The following MYO1E variants were observed in gnomAD, a reference collection of about 807,000 sequenced individuals.
The protein encoded by MYO1E is unconventional myosin-Ie.
A neutral mutation model predicts 151.1 loss-of-function variants in MYO1E; 68 were observed. That is an observed-to-expected ratio of 0.45 (90% confidence interval 0.37 to 0.55). MYO1E has a LOEUF of 0.55. MYO1E is among the 20% of genes least tolerant of loss of function. The pLI, the probability that MYO1E is intolerant of heterozygous loss-of-function variation, is 0.00. For missense variants in MYO1E, 1,363 were observed against 1,389.3 expected (o/e 0.98, Z 0.30); for synonymous variants, 601 against 501.7 (o/e 1.20, Z -2.64).
chr15:59,153,989 C>T (rs549535107), intron 25 of MYO1E, among the ~76,000 whole-genome samples, 198 bp from the exon 26 acceptor site: 10 of 152,292 alleles, frequency 6.6e-5, no homozygotes, highest in South Asian at 4.1e-4. Context: ...TCCCCATCAC[C>T]GGGCTTTACT....
At chr15:59,289,719 G>A (rs1192379027) in intron 1 of MYO1E, among the ~76,000 whole-genome samples, 1 of 152,230 alleles carries the variant, frequency 6.6e-6, no homozygotes, top group Non-Finnish European at 1.5e-5. Context: ...ATCTCTGGCT[G>A]TAGCATTTCA....
At chr15:59,208,957 A>G (rs1444107315) in intron 13 of MYO1E, 109 bp from the exon 14 acceptor site, 1 of 1,315,264 alleles carries the variant, frequency 7.6e-7, no homozygotes, top group African/African-American at 1.5e-5. Flanking sequence ...TTAAGATACC[A>G]TCTTGAAAGT....
chr15:59,302,974 G>C (rs1421915550), intron 1 of MYO1E, among the ~76,000 whole-genome samples: 1 of 152,160 alleles, frequency 6.6e-6, no homozygotes. Flanking sequence ...AGTGGAGAAA[G>C]GAAACTTTCA....
Position 59,372,508 on chromosome 15 carries a change from C to G in MYO1E, c.-8G>C, listed in dbSNP as rs1264890214. The G allele has an allele frequency of 1.3e-6, 2 of 1,536,786 alleles. No homozygotes were observed. The highest frequency in any genetic ancestry group is 1.8e-6 in the Non-Finnish European group (2 of 1,142,142). Reference sequence around the variant, plus strand: ...GCGCGGCCAACTCACCATGGTGACTCGCGCCGCGGTCGCGTCTTCGCCGGG... The same window carrying G: ...GCGCGGCCAACTCACCATGGTGACTGGCGCCGCGGTCGCGTCTTCGCCGGG... On this transcript the variant is annotated 5_prime_UTR_variant, in exon 1 of 28. Transcript: ENST00000288235.
intron 12 of MYO1E, among the ~76,000 whole-genome samples, chr15:59,213,140 TTATTATTA>T (rs1405119579): frequency 0.092 from 2,262 of 24,520 alleles, 64 homozygotes; most frequent in African/African-American, 0.14. Context: ...TATTTATTTA[TTATTATTA>T]TTATTATTAT....
chr15:59,300,293 C>CGT (rs1491053745), intron 1 of MYO1E, among the ~76,000 whole-genome samples: 4 of 137,954 alleles, frequency 2.9e-5, no homozygotes, highest in African/African-American at 1.4e-4. Flanking sequence ...CTGCCCAGCA[C>CGT]GCGCACACAC....
Position 59,188,235 on chromosome 15 carries a change from G to A in MYO1E, c.1806-19C>T, listed in dbSNP as rs186787990. On this transcript the variant is annotated intron_variant, in intron 17 of 27. Transcript: ENST00000288235. ...CTTTACCCTGTGCAAAGGAGAAAAT[G>A]GGGCCTGGACATTACTGGATAATCC... 3.1e-6 allele frequency: 5 copies of A among 1,593,032 alleles called. No individual in the cohort carries two copies. Among genetic ancestry groups the A allele is most frequent in the Admixed American group, 1.7e-5 (1 of 59,996 alleles).
At position 59,227,586 on chromosome 15, in the gene MYO1E, T is replaced by C. The variant is rs1337438947; in HGVS notation, c.515A>G (p.Lys172Arg). The change falls in exon 7 of 28, where the codon AAA becomes AGA. Residue 172 changes from lysine (K) to arginine (R), a missense_variant. Transcript: ENST00000288235. ...VRNNNSSRFG[K>R]YFEIQFSPGG... ...TGGACTGAACTGGATTTCAAAGTAT[T>C]TTCCCTGCAAGAAAGTTAGGGATTT... is the stretch of plus-strand genomic sequence containing the variant. 1.9e-6 allele frequency: 3 copies of C among 1,614,102 alleles called. No homozygotes were observed. Among genetic ancestry groups the C allele is most frequent in the Non-Finnish European group, 2.5e-6 (3 of 1,180,000 alleles).
intron 1 of MYO1E, among the ~76,000 whole-genome samples, chr15:59,274,059 C>G (rs1596395400): frequency 6.6e-6 from 1 of 150,688 alleles, no homozygotes; most frequent in East Asian, 1.9e-4. Flanking sequence ...AAATGGTTTA[C>G]TTTTTTTTCG....
chr15:59,167,302 G>T (rs2079568202), intron 22 of MYO1E, among the ~76,000 whole-genome samples: 1 of 152,096 alleles, frequency 6.6e-6, no homozygotes, highest in Admixed American at 6.5e-5. Flanking sequence ...CACAACTTTT[G>T]GTCTCATCCT....
chr15:59,276,603 T>C (rs1217844825), intron 1 of MYO1E, among the ~76,000 whole-genome samples: 3 of 152,210 alleles, frequency 2.0e-5, no homozygotes. Flanking sequence ...TAAAAAGCAG[T>C]TGATTCATGT....
chr15:59,139,409 A>G (rs1323434298), intron 26 of MYO1E, among the ~76,000 whole-genome samples: 1 of 143,224 alleles, frequency 7.0e-6, no homozygotes, highest in Non-Finnish European at 1.5e-5. Context: ...ATCCCTCATT[A>G]TTACTCCTCA....
At chr15:59,190,103 A>T (rs1290622688) in intron 17 of MYO1E, among the ~76,000 whole-genome samples, 1 of 152,212 alleles carries the variant, frequency 6.6e-6, no homozygotes, top group African/African-American at 2.4e-5. Flanking sequence ...CAGATCCTGA[A>T]AACTTGCTTC....
intron 1 of MYO1E, among the ~76,000 whole-genome samples, chr15:59,284,640 A>ATTTTTT (rs1350428742): frequency 6.8e-6 from 1 of 147,036 alleles, no homozygotes; most frequent in Non-Finnish European, 1.5e-5. Context: ...AAAAAAAAAA[A>ATTTTTT]ATTTTTTTTT....
chr15:59,239,648 A>G (rs1332400141), intron 4 of MYO1E, among the ~76,000 whole-genome samples: 3 of 152,230 alleles, frequency 2.0e-5, no homozygotes, highest in African/African-American at 4.8e-5. Flanking sequence ...CTCTTTTAAT[A>G]TATCAAAATA....
chr15:59,221,457 G>A (rs1323634428), intron 9 of MYO1E, among the ~76,000 whole-genome samples: 1 of 152,158 alleles, frequency 6.6e-6, no homozygotes, highest in Non-Finnish European at 1.5e-5. Flanking sequence ...GAGAATCTTG[G>A]TTACCTCTGA....
intron 14 of MYO1E, chr15:59,207,444 A>T: frequency 6.2e-7 from 1 of 1,614,018 alleles, no homozygotes; most frequent in Non-Finnish European, 8.5e-7. Context: ...TCTTCAAGTT[A>T]ATGATTTCCA....
chr15:59,353,523 G>C (rs1024671841), intron 1 of MYO1E, among the ~76,000 whole-genome samples: 12 of 151,942 alleles, frequency 7.9e-5, no homozygotes, highest in African/African-American at 2.4e-4. Context: ...TTGGGAGGCT[G>C]AGGCGGGTGG....
chr15:59,240,913 G>C (rs1220650898), intron 4 of MYO1E, among the ~76,000 whole-genome samples: 1 of 152,242 alleles, frequency 6.6e-6, no homozygotes, highest in African/African-American at 2.4e-5. Context: ...GCCAGAATGA[G>C]ATGTGGCTCC....
Sources: gnomAD v4.1 joint callset for allele counts (sites outside exome capture counted in the v4.1 genomes callset) on GRCh38, gnomAD v4.1.1 for gene constraint, MANE v1.5 for transcripts, NCBI Gene and HGNC (gene_info 2026-07-23, HGNC 2026-07-21) for gene names.